DMD: variants seen among roughly 807,000 people sequenced by gnomAD.
DMD encodes the protein mutant dystrophin.
In DMD, 63 loss-of-function variants were observed where a neutral mutation model predicts 330.1. That is an observed-to-expected ratio of 0.19 (90% CI 0.16 to 0.24). The LOEUF (loss-of-function observed/expected upper bound fraction) is 0.24. Among genes scored for constraint, DMD ranks in the 10% least tolerant of loss-of-function variants. The pLI, the probability that DMD is intolerant of heterozygous loss-of-function variation, is 1.00. For synonymous variants in DMD, 1,223 were observed against 959.8 expected (o/e 1.27, Z -5.07); for missense variants, 3,344 against 2,684.1 (o/e 1.25, Z -5.43).
chrX:32,497,589 T>C (rs142906412), intron 19 of DMD, among the ~76,000 whole-genome samples: 249 of 112,270 alleles, frequency 2.2e-3, no homozygotes, highest in African/African-American at 7.2e-3. Context: ...TGTTTTGATA[T>C]GGTCATCTTT....
intron 60 of DMD, among the ~76,000 whole-genome samples, chrX:31,355,469 G>A (rs996425074): frequency 3.6e-5 from 4 of 111,967 alleles, no homozygotes; most frequent in African/African-American, 6.5e-5. Flanking sequence ...AATATCCATG[G>A]GAATGCAAGA....
chrX:31,310,085 T>C (rs1401755421), intron 62 of DMD, among the ~76,000 whole-genome samples: 1 of 110,262 alleles, frequency 9.1e-6, no homozygotes, highest in African/African-American at 3.3e-5. Flanking sequence ...AGTGGTCTAT[T>C]AAGGTCATTT....
chrX:31,941,106 G>A (rs1360779748), intron 45 of DMD, among the ~76,000 whole-genome samples: 4 of 111,919 alleles, frequency 3.6e-5, no homozygotes, highest in Non-Finnish European at 7.5e-5. Flanking sequence ...TTTTGTGTGT[G>A]CTGTCTACAC....
rs748842563 is a variant in DMD, at chrX:32,844,804, C to T, written c.243G>A (p.Leu81=). 21 of 1,209,650 alleles carry T rather than the reference C, an allele frequency of 1.7e-5. No homozygotes were observed. The highest frequency in any genetic ancestry group is 5.2e-5 in the African/African-American group (3 of 57,202). ...TTACATTATTGTTCTGCAAAACCCG[C>T]AGTGCCTTGTTGACATTGTTCAGGG... ...VHALNNVNKA[L]RVLQNNNVDL... Residue 81 remains leucine, a synonymous_variant, in exon 4 of 79, where the codon CTG becomes CTA. Transcript: ENST00000357033.
intron 48 of DMD, among the ~76,000 whole-genome samples, chrX:31,841,296 T>C (rs1326410366): frequency 9.0e-6 from 1 of 111,555 alleles, no homozygotes; most frequent in Non-Finnish European, 1.9e-5. Flanking sequence ...GAGGAAATTG[T>C]AGAAGAAAAG....
At chrX:32,046,277 C>A (rs899300620) in intron 44 of DMD, among the ~76,000 whole-genome samples, 2 of 112,321 alleles carry the variant, frequency 1.8e-5, no homozygotes, top group East Asian at 5.6e-4. Flanking sequence ...CATTTTTCTC[C>A]ATTTTGACCC....
At chrX:31,683,497 T>A (rs773952865) in intron 52 of DMD, among the ~76,000 whole-genome samples, 6 of 112,248 alleles carry the variant, frequency 5.3e-5, no homozygotes, top group Non-Finnish European at 1.1e-4. Flanking sequence ...GACTGAAGGA[T>A]CTATAGCATA....
intron 41 of DMD, among the ~76,000 whole-genome samples, chrX:32,327,590 A>G (rs756214601): frequency 6.3e-5 from 7 of 111,773 alleles, no homozygotes; most frequent in African/African-American, 2.3e-4. Context: ...TTCTTTTTTA[A>G]AAGTTTTGTG....
chrX:33,018,627 G>A (rs1304811186), intron 2 of DMD, among the ~76,000 whole-genome samples: 1 of 109,749 alleles, frequency 9.1e-6, no homozygotes, highest in East Asian at 2.9e-4. Context: ...TCAATTCAAA[G>A]ATTCAGAGTA....
At chrX:33,098,755 C>G (rs898302837) in intron 1 of DMD, among the ~76,000 whole-genome samples, 1 of 111,409 alleles carries the variant, frequency 9.0e-6, no homozygotes, top group Non-Finnish European at 1.9e-5. Context: ...GAGAGTACAC[C>G]GAACAAAGGA....
intron 55 of DMD, among the ~76,000 whole-genome samples, chrX:31,558,675 T>C (rs915933141): frequency 9.0e-6 from 1 of 110,664 alleles, no homozygotes; most frequent in African/African-American, 3.3e-5. Context: ...TGTGTGCGTA[T>C]ATATATATAT....
chrX:32,062,877 A>C (rs1395233740), intron 44 of DMD, among the ~76,000 whole-genome samples: 3 of 109,531 alleles, frequency 2.7e-5, no homozygotes, highest in African/African-American at 1.0e-4. Flanking sequence ...TAGAGTTGGA[A>C]CTGATATTCA....
intron 2 of DMD, among the ~76,000 whole-genome samples, chrX:32,864,400 C>T (rs1053275111): frequency 3.6e-5 from 4 of 112,435 alleles, no homozygotes; most frequent in African/African-American, 1.3e-4. Context: ...GCTTGACTAT[C>T]ATCACATTCA....
chrX:32,023,966 T>C (rs2095826332), intron 44 of DMD, among the ~76,000 whole-genome samples: 1 of 110,862 alleles, frequency 9.0e-6, no homozygotes, highest in African/African-American at 3.3e-5. Flanking sequence ...CAGGCAAGGG[T>C]TGAAGAACTA....
chrX:32,573,608 T>A lies in DMD; in HGVS notation c.1734A>T (p.Lys578Asn), dbSNP rs754347572. The change falls in exon 15 of 79, where the codon AAA (lysine) becomes AAT (asparagine). Residue 578 changes from lysine to asparagine, a missense_variant. Transcript: ENST00000357033. ...TGTGAATCTTGTTCACTGCATCTTC[T>A]TTTTCTGAAAGCCATGCACTAAAAA... ...QCLFSAWLSE[K>N]EDAVNKIHTT... 3 of 1,211,328 alleles carry A rather than the reference T, an allele frequency of 2.5e-6. No individual in the cohort carries two copies. Among genetic ancestry groups the A allele is most frequent in the Non-Finnish European group, 3.4e-6 (3 of 895,038 alleles).
chrX:32,606,354 A>G (rs188323984), intron 12 of DMD, among the ~76,000 whole-genome samples: 64 of 110,174 alleles, frequency 5.8e-4, no homozygotes, highest in Non-Finnish European at 1.1e-3. Context: ...GTTCCAAATG[A>G]CAGTATCTCA....
chrX:32,394,916 C>CAAAACAAAAAAAAAAAAAAAAAAAA (rs2098030291), intron 30 of DMD, among the ~76,000 whole-genome samples: 20 of 39,041 alleles, frequency 5.1e-4, no homozygotes, highest in East Asian at 1.7e-3. Flanking sequence ...AACAAAAAAA[C>CAAAACAAAAAAAAAAAAAAAAAAAA]AAAAAAAAAA....
chrX:32,482,187 A>C (rs1340446445), intron 21 of DMD, among the ~76,000 whole-genome samples: 1 of 111,603 alleles, frequency 9.0e-6, no homozygotes, highest in Non-Finnish European at 1.9e-5. Flanking sequence ...CTTTGTTGAA[A>C]CAATTATCTA....
chrX:31,339,511 C>G (rs925939342), intron 61 of DMD, among the ~76,000 whole-genome samples: 1 of 111,772 alleles, frequency 8.9e-6, no homozygotes, highest in Non-Finnish European at 1.9e-5. Context: ...AGAATTTTAG[C>G]CTGCAAATCA....
Sources: gnomAD v4.1 joint callset for allele counts (sites outside exome capture counted in the v4.1 genomes callset) on GRCh38, gnomAD v4.1.1 for gene constraint, MANE v1.5 for transcripts, NCBI Gene and HGNC (gene_info 2026-07-23, HGNC 2026-07-21) for gene names.